Variants in SI observed in about 807,000 individuals in gnomAD.
The protein encoded by SI is sucrase-isomaltase.
SI carries 235 observed loss-of-function variants against 253.3 expected under a neutral mutation model. That is an observed-to-expected ratio of 0.93 (90% CI 0.83 to 1.03). The LOEUF (loss-of-function observed/expected upper bound fraction) is 1.03, where lower values mean the gene tolerates loss of function less well. SI is among the 50% of genes least tolerant of loss of function. The pLI is 0.00. For missense variants in SI, 2,442 were observed against 2,211.1 expected, an observed-to-expected ratio of 1.10 and a Z score of -2.09; for synonymous variants, 819 against 712.0, an observed-to-expected ratio of 1.15 and a Z score of -2.39.
In SI at chr3:165,025,676, G is replaced by T. The variant is rs181909837; in HGVS notation, c.2893-1900C>A. Among the ~76,000 whole-genome samples the T allele has an allele frequency of 5.2e-3, 783 of 151,330 alleles. 10 individuals are homozygous for T. Among genetic ancestry groups the T allele is most frequent in the African/African-American group, 0.018 (746 of 41,418 alleles). On this transcript the variant is annotated intron_variant, in intron 25 of 47. Coordinates refer to ENST00000264382, the MANE Select transcript of SI (RefSeq NM_001041.4). ...CCTACAAGCTAGAAGGGATTGGGGCGCTGTCTTCAGCCTCCTTAAACAAAA... is the reference window on the plus strand; with the variant it reads ...CCTACAAGCTAGAAGGGATTGGGGCTCTGTCTTCAGCCTCCTTAAACAAAA...
At chr3:165,052,371 T>C (rs1327186630) in intron 13 of SI, among the ~76,000 whole-genome samples, 1 of 152,164 alleles carries the variant, frequency 6.6e-6, no homozygotes, top group East Asian at 1.9e-4. Flanking sequence ...TAAAGATATG[T>C]AGGTGTCATT....
rs1396643753 is a variant in SI at position 165,043,112 on chromosome 3, G to T, written c.1951C>A (p.Gln651Lys). ...GAAAATGGATAAAATGCCCCAAGTTGCATCCATCTTCTGCAAAGTTCTTCT... is the reference window on the plus strand; with the variant it reads ...GAAAATGGATAAAATGCCCCAAGTTTCATCCATCTTCTGCAAAGTTCTTCT... ...TTEELCRRWM[Q>K]LGAFYPFSRN... Residue 651 changes from glutamine (Q) to lysine (K), a missense_variant, in exon 17 of 48, where the codon CAA (glutamine) becomes AAA (lysine). By Grantham distance (53) the Gln-to-Lys change is moderately conservative. Transcript: ENST00000264382. 1.2e-6 allele frequency: 2 copies of T among 1,612,496 alleles called. No individual in the cohort carries two copies. The highest frequency in any genetic ancestry group is 1.7e-6 in the Non-Finnish European group (2 of 1,179,138).
At chr3:165,071,270 T>C (rs1560018946) in intron 3 of SI, among the ~76,000 whole-genome samples, 1 of 152,002 alleles carries the variant, frequency 6.6e-6, no homozygotes, top group Non-Finnish European at 1.5e-5. Context: ...TATTAGTAAT[T>C]TTAATTTATC....
chr3:164,988,439 T>G (rs1717546630), intron 44 of SI, among the ~76,000 whole-genome samples: 1 of 152,130 alleles, frequency 6.6e-6, no homozygotes, highest in African/African-American at 2.4e-5. Flanking sequence ...GTTTTACAAC[T>G]TTCTATACTG....
chr3:165,058,896 A>ACT, intron 12 of SI, 67 bp downstream of exon 12: 6 of 1,324,116 alleles, frequency 4.5e-6, no homozygotes, highest in Non-Finnish European at 6.4e-6. Context: ...ACGCACATCC[A>ACT]CAGAAACTTT....
the SI span, among the ~76,000 whole-genome samples, chr3:165,089,115 C>A: frequency 7.1e-6 from 1 of 141,010 alleles, no homozygotes; most frequent in Non-Finnish European, 1.5e-5. Context: ...TTGGTATATT[C>A]GTCTTCTTTG....
At chr3:165,061,854 A>C (rs1036329959) in intron 9 of SI, among the ~76,000 whole-genome samples, 1 of 151,970 alleles carries the variant, frequency 6.6e-6, no homozygotes, top group Non-Finnish European at 1.5e-5. Context: ...CTGGAGATGT[A>C]AAGTTTCAGG....
the SI span, among the ~76,000 whole-genome samples, chr3:165,086,436 A>C: frequency 6.6e-6 from 1 of 152,312 alleles, no homozygotes; most frequent in South Asian, 2.1e-4. Context: ...ACATGCTTTA[A>C]TGAGAATAAT....
At chr3:165,078,053 G>A (rs755684029) in intron 1 of SI, among the ~76,000 whole-genome samples, 3 of 151,394 alleles carry the variant, frequency 2.0e-5, no homozygotes, top group African/African-American at 4.8e-5. Context: ...TTTTATAAAT[G>A]TAGCATTCTA....
chr3:165,068,995 T>C, intron 4 of SI, 83 bp downstream of exon 4: 1 of 1,091,086 alleles, frequency 9.2e-7, no homozygotes, highest in East Asian at 2.4e-5. Context: ...TATTTCTTAT[T>C]TGATTCTATT....
chr3:165,052,576 G>A (rs1374817060), intron 13 of SI, among the ~76,000 whole-genome samples: 1 of 152,004 alleles, frequency 6.6e-6, no homozygotes, highest in Non-Finnish European at 1.5e-5. Context: ...AGAATCTTTT[G>A]AACCTGGGTG....
At chr3:165,087,151 A>C in the SI span, among the ~76,000 whole-genome samples, 1 of 97,502 alleles carries the variant, frequency 1.0e-5, no homozygotes, top group African/African-American at 3.2e-5. Context: ...AACAAAACAA[A>C]CAAACAAAAA....
At chr3:165,024,891 A>G (rs1711823497) in intron 25 of SI, among the ~76,000 whole-genome samples, 2 of 151,114 alleles carry the variant, frequency 1.3e-5, no homozygotes, top group Admixed American at 1.3e-4. Context: ...TACTACATCT[A>G]ATGTTTGCAT....
chr3:164,991,779 T>G (rs980147834), intron 43 of SI, among the ~76,000 whole-genome samples: 2 of 152,088 alleles, frequency 1.3e-5, no homozygotes, highest in African/African-American at 4.8e-5. Context: ...TTTATAGCGT[T>G]GTTTTTGTGG....
chr3:164,990,544 G>A (rs1235374215), intron 44 of SI, among the ~76,000 whole-genome samples: 1 of 152,056 alleles, frequency 6.6e-6, no homozygotes, highest in Non-Finnish European at 1.5e-5. Context: ...CCTGTCTTCT[G>A]AGCTGTATTT....
Position 165,019,638 on chromosome 3 carries a change from A to G in SI, c.3387T>C (p.Asn1129=), listed in dbSNP as rs1719210246. 3.1e-6 allele frequency: 5 copies of G among 1,612,494 alleles called. No individual in the cohort carries two copies. Residue 1129 remains asparagine (N), a synonymous_variant, in exon 28 of 48, where the codon AAT becomes AAC. Transcript: ENST00000264382. ...HTAFKRDLNW[N]TWGMFTRDQP... is the part of the protein sequence containing the mutation. ...GGTCTCTTGTGAACATTCCCCAAGT[A>G]TTCCAGTTCAGATCTCGCTTAAATG...
chr3:165,047,176 G>C (rs1713165427), intron 15 of SI, among the ~76,000 whole-genome samples, 164 bp from the exon 16 acceptor site: 1 of 152,072 alleles, frequency 6.6e-6, no homozygotes. Context: ...GATGTTGTGA[G>C]AGAAACCCGA....
intron 10 of SI, 60 bp downstream of exon 10, chr3:165,059,842 C>A: frequency 1.3e-6 from 2 of 1,542,802 alleles, no homozygotes; most frequent in South Asian, 1.1e-5. Context: ...TCCTACAGTT[C>A]TTATTATGTG....
At chr3:165,048,080 A>G (rs531223333) in intron 15 of SI, among the ~76,000 whole-genome samples, 1 of 152,212 alleles carries the variant, frequency 6.6e-6, no homozygotes, top group African/African-American at 2.4e-5. Context: ...GAGTTTACAA[A>G]GTAAATTGAA....
Sources: allele counts gnomAD v4.1 joint callset (sites outside exome capture counted in the v4.1 genomes callset), GRCh38; gene constraint gnomAD v4.1.1; transcripts MANE v1.5; gene names NCBI Gene and HGNC (gene_info 2026-07-23, HGNC 2026-07-21).